EXTL3: variants seen among roughly 807,000 people sequenced by gnomAD.
EXTL3 encodes exostosin-like 3.
A neutral mutation model predicts 69.3 loss-of-function variants in EXTL3; 27 were observed. The observed-to-expected ratio is 0.39, with a 90% CI of 0.29 to 0.54. The LOEUF (loss-of-function observed/expected upper bound fraction) is 0.54. Among genes scored for constraint, EXTL3 ranks in the 20% least tolerant of loss-of-function variants. EXTL3 has a pLI of 0.69. For missense variants in EXTL3, 1,003 were observed against 1,231.8 expected, an observed-to-expected ratio of 0.81 and a Z score of 2.78; for synonymous variants, 511 against 499.4, an observed-to-expected ratio of 1.02 and a Z score of -0.31.
intron 1 of EXTL3, among the ~76,000 whole-genome samples, chr8:28,625,144 A>AT (rs1201148871): frequency 1.3e-5 from 2 of 152,110 alleles, no homozygotes; most frequent in Admixed American, 6.5e-5. Flanking sequence ...CCAATTACTC[A>AT]TTTTTTCTGC....
At chr8:28,626,613 A>C (rs925500694) in intron 1 of EXTL3, among the ~76,000 whole-genome samples, 8 of 152,152 alleles carry the variant, frequency 5.3e-5, no homozygotes, top group African/African-American at 1.7e-4. Flanking sequence ...TTACTTAGGC[A>C]CTTTGTGTTC....
chr8:28,620,713 GTTTTC>G (rs1585217227), upstream of EXTL3, among the ~76,000 whole-genome samples: 3 of 152,176 alleles, frequency 2.0e-5, no homozygotes, highest in South Asian at 2.1e-4. Context: ...CTTTTCTTTT[GTTTTC>G]TTTTCTTTTT....
At chr8:28,678,502 CCT>C (rs993777234) in intron 1 of EXTL3, among the ~76,000 whole-genome samples, 6 of 152,042 alleles carry the variant, frequency 3.9e-5, no homozygotes, top group Non-Finnish European at 1.5e-5. Context: ...ACCCCTCTCC[CCT>C]CTCTCTTTGC....
chr8:28,698,726 G>T (rs1800723879), upstream of EXTL3, among the ~76,000 whole-genome samples: 1 of 152,172 alleles, frequency 6.6e-6, no homozygotes, highest in Admixed American at 6.5e-5. Flanking sequence ...GGGCGTGGTG[G>T]CTCATGCCTG....
At chr8:28,713,769 A>G (rs549076360) in intron 2 of EXTL3, among the ~76,000 whole-genome samples, 40 of 152,286 alleles carry the variant, frequency 2.6e-4, no homozygotes, top group African/African-American at 9.6e-4. Context: ...TAAACCTTTT[A>G]GTAATATTAT....
intron 5 of EXTL3, among the ~76,000 whole-genome samples, chr8:28,739,048 C>G (rs554477618): frequency 6.6e-6 from 1 of 152,342 alleles, no homozygotes; most frequent in East Asian, 1.9e-4. Flanking sequence ...CGTTCTGTCT[C>G]ACACACAAGG....
chr8:28,675,310 A>G (rs540263630), intron 1 of EXTL3, among the ~76,000 whole-genome samples: 1 of 152,198 alleles, frequency 6.6e-6, no homozygotes, highest in Non-Finnish European at 1.5e-5. Flanking sequence ...TCCAGAATGC[A>G]TGCATGTCGA....
At chr8:28,693,719 T>C (rs956717412) in intron 1 of EXTL3, among the ~76,000 whole-genome samples, 1 of 152,210 alleles carries the variant, frequency 6.6e-6, no homozygotes, top group Non-Finnish European at 1.5e-5. Flanking sequence ...CCAGGACTTC[T>C]AGAGTGAGCC....
At chr8:28,698,062 G>C (rs1338779327), upstream of EXTL3, 1 of 152,206 alleles carries the variant, frequency 6.6e-6, no homozygotes, top group East Asian at 1.9e-4. Flanking sequence ...TCAGTGTTAA[G>C]GGATGGGCCA....
intron 3 of EXTL3, among the ~76,000 whole-genome samples, chr8:28,721,347 T>C (rs1801288787): frequency 6.6e-6 from 1 of 152,208 alleles, no homozygotes; most frequent in Admixed American, 6.5e-5. Context: ...GAGCTCCCTC[T>C]CTCTGGCTTT....
chr8:28,737,390 A>G, intron 4 of EXTL3, 129 bp from the exon 5 acceptor site: 4 of 1,000,372 alleles, frequency 4.0e-6, no homozygotes, highest in Admixed American at 3.9e-5. Flanking sequence ...ATTTTGTTTT[A>G]TTTTGAAAGG....
intron 1 of EXTL3, among the ~76,000 whole-genome samples, chr8:28,653,711 C>T (rs569530462): frequency 3.9e-5 from 6 of 152,234 alleles, no homozygotes; most frequent in Admixed American, 3.9e-4. Context: ...AAATTTTATT[C>T]CATTGGTTGA....
downstream of EXTL3, among the ~76,000 whole-genome samples, chr8:28,756,051 C>A (rs1802117099): frequency 6.6e-6 from 1 of 152,188 alleles, no homozygotes; most frequent in South Asian, 2.1e-4. Flanking sequence ...CATGGGCATA[C>A]AACTGTTCAT....
At chr8:28,742,621 A>G (rs1353419108) in intron 5 of EXTL3, 3 of 242,116 alleles carry the variant, frequency 1.2e-5, no homozygotes, top group Admixed American at 1.0e-4. Flanking sequence ...GATGGCGAGT[A>G]CTGACCAGAC....
chr8:28,610,575 C>T (rs1441740173), intron 2 of EXTL3, among the ~76,000 whole-genome samples: 1 of 152,034 alleles, frequency 6.6e-6, no homozygotes, highest in Non-Finnish European at 1.5e-5. Flanking sequence ...TAACAGTTAT[C>T]GGGCGCTTTC....
intron 1 of EXTL3, among the ~76,000 whole-genome samples, chr8:28,649,896 AAT>A (rs1585231245): frequency 6.6e-6 from 1 of 152,004 alleles, no homozygotes; most frequent in Non-Finnish European, 1.5e-5. Flanking sequence ...GGTAATCCAA[AAT>A]ATAGATGTTG....
At chr8:28,643,186 G>A (rs549126397) in intron 1 of EXTL3, among the ~76,000 whole-genome samples, 1 of 152,238 alleles carries the variant, frequency 6.6e-6, no homozygotes, top group African/African-American at 2.4e-5. Context: ...GGAGGTTGCA[G>A]TGAGCCTAGA....
At chr8:28,721,691 G>A (rs1202068213) in intron 3 of EXTL3, among the ~76,000 whole-genome samples, 1 of 152,220 alleles carries the variant, frequency 6.6e-6, no homozygotes, top group African/African-American at 2.4e-5. Context: ...TCTTCTGGAG[G>A]CAGAAATGCC....
At chr8:28,658,917 C>G (rs352426) in intron 1 of EXTL3, among the ~76,000 whole-genome samples, 1 of 152,102 alleles carries the variant, frequency 6.6e-6, no homozygotes, top group Non-Finnish European at 1.5e-5. Context: ...AATATTCCAT[C>G]GTATGTATGT....
Sources: gnomAD v4.1 joint callset for allele counts (sites outside exome capture counted in the v4.1 genomes callset) on GRCh38, gnomAD v4.1.1 for gene constraint, MANE v1.5 for transcripts, NCBI Gene and HGNC (gene_info 2026-07-23, HGNC 2026-07-21) for gene names.